TTC39B: variants seen among roughly 807,000 people sequenced by gnomAD.
The protein encoded by TTC39B is tetratricopeptide repeat domain 39B.
A neutral mutation model predicts 96.6 loss-of-function variants in TTC39B; 92 were observed. The observed-to-expected ratio is 0.95, with a 90% confidence interval of 0.80 to 1.13. The LOEUF (loss-of-function observed/expected upper bound fraction) is 1.13. TTC39B is among the 50% of genes most tolerant of loss of function. The pLI is 0.00. For missense variants in TTC39B, 955 were observed against 809.3 expected (o/e 1.18, Z -2.18); for synonymous variants, 367 against 299.4 (o/e 1.23, Z -2.33).
At chr9:15,218,282 A>G (rs1011583994) in intron 3 of TTC39B, among the ~76,000 whole-genome samples, 3 of 152,128 alleles carry the variant, frequency 2.0e-5, no homozygotes, top group Non-Finnish European at 4.4e-5. Context: ...TGGACTGGAA[A>G]TTAGAAGTCA....
At chr9:15,175,958 A>T (rs908552788) in intron 18 of TTC39B, among the ~76,000 whole-genome samples, 2 of 152,236 alleles carry the variant, frequency 1.3e-5, no homozygotes, top group African/African-American at 4.8e-5. Context: ...AGACAAAGAC[A>T]GTTGTCTCCT....
chr9:15,189,535 C>T (rs753211378), intron 13 of TTC39B, 39 bp downstream of exon 13: 3 of 1,607,634 alleles, frequency 1.9e-6, no homozygotes, highest in Non-Finnish European at 1.7e-6. Context: ...AGTCGCCATA[C>T]AGACAACTCC....
At chr9:15,211,346 C>A (rs1352958021) in exon 5 of TTC39B, 1 of 1,598,406 alleles carries the variant, frequency 6.3e-7, no homozygotes, top group Admixed American at 1.7e-5. Flanking sequence ...GGACAGCCTG[C>A]AACACCACAA....
chr9:15,263,533 G>A (rs1448064987), intron 2 of TTC39B, among the ~76,000 whole-genome samples: 1 of 152,282 alleles, frequency 6.6e-6, no homozygotes, highest in East Asian at 1.9e-4. Flanking sequence ...TTATGGCTGT[G>A]TGTAATATTT....
At chr9:15,256,853 C>T (rs1822770077) in intron 2 of TTC39B, among the ~76,000 whole-genome samples, 1 of 152,140 alleles carries the variant, frequency 6.6e-6, no homozygotes, top group Non-Finnish European at 1.5e-5. Context: ...GAGGCAGAAG[C>T]AGTATGTGGG....
intron 1 of TTC39B, among the ~76,000 whole-genome samples, chr9:15,298,368 T>C (rs7038333): frequency 0.12 from 18,807 of 152,140 alleles, 1,769 homozygotes; most frequent in African/African-American, 0.27. Context: ...TCCATTTTCA[T>C]ACTGCTGTGA....
chr9:15,181,430 C>G (rs1447121075), intron 17 of TTC39B, among the ~76,000 whole-genome samples: 1 of 152,122 alleles, frequency 6.6e-6, no homozygotes, highest in African/African-American at 2.4e-5. Flanking sequence ...CAAAAAATGT[C>G]AGGGCAAGGA....
At chr9:15,203,129 C>G (rs555046584) in intron 7 of TTC39B, among the ~76,000 whole-genome samples, 77 of 152,360 alleles carry the variant, frequency 5.1e-4, no homozygotes, top group African/African-American at 1.8e-3. Flanking sequence ...GACACTTCCT[C>G]TGCCCGGGCC....
At chr9:15,250,095 A>G (rs1308538152) in intron 2 of TTC39B, 2 of 1,270,692 alleles carry the variant, frequency 1.6e-6, no homozygotes, top group Admixed American at 5.0e-5. Flanking sequence ...TGAGACTCTC[A>G]ATTCTCAGGC....
intron 1 of TTC39B, among the ~76,000 whole-genome samples, chr9:15,279,385 C>T (rs1279553946): frequency 6.6e-6 from 1 of 152,150 alleles, no homozygotes; most frequent in African/African-American, 2.4e-5. Flanking sequence ...AAGAGTAAGG[C>T]TTCAAAGATG....
In TTC39B at chr9:15,202,077, G is replaced by T. The variant is rs78550822; in HGVS notation, c.759+1746C>A. ...GACGGAGCTGCACAATCTTTAAAAG[G>T]CTAAAGCAGCATGAATATAAAGGTG... On this transcript the variant is annotated intron_variant, in intron 7 of 19. Coordinates refer to ENST00000512701, the Ensembl canonical transcript of TTC39B. Among the ~76,000 whole-genome samples the T allele has an allele frequency of 4.8e-4, 73 of 152,282 alleles. 2 individuals are homozygous for T. The East Asian group carries it at 0.014, about 29-fold the overall frequency.
intron 1 of TTC39B, among the ~76,000 whole-genome samples, chr9:15,279,364 G>C (rs985549909): frequency 1.6e-4 from 24 of 152,356 alleles, no homozygotes; most frequent in African/African-American, 5.5e-4. Context: ...GTTCGGAAGA[G>C]GCAGTTCCCA....
At position 15,267,900 on chromosome 9, in the gene TTC39B, A is replaced by G. The variant is rs181178147; in HGVS notation, c.275+14T>C. The G allele has an allele frequency of 3.2e-3, 5,103 of 1,602,594 alleles. 19 individuals are homozygous for G. Among genetic ancestry groups the G allele is most frequent in the Non-Finnish European group, 3.8e-3 (4,495 of 1,174,566 alleles). On this transcript the variant is annotated intron_variant, in intron 2 of 19. Coordinates refer to ENST00000512701, the Ensembl canonical transcript of TTC39B. The stretch of plus-strand genomic sequence containing the variant: ...TTTTCCTTACTACATACTTTTTATT[A>G]TGTTATTACTTACATTGAGATGGTT...
chr9:15,216,038 C>T (rs16932828), intron 3 of TTC39B, among the ~76,000 whole-genome samples: 9,287 of 152,234 alleles, frequency 0.061, 320 homozygotes, highest in Non-Finnish European at 0.07. Context: ...AAGGCCAGAA[C>T]CCCTCTCTCC....
intron 1 of TTC39B, among the ~76,000 whole-genome samples, chr9:15,305,920 A>C (rs1824739057): frequency 1.3e-5 from 2 of 152,062 alleles, no homozygotes; most frequent in African/African-American, 4.8e-5. Flanking sequence ...CCTCAATGCA[A>C]GGGACAGGCT....
chr9:15,188,072 G>C (rs1401525672), exon 14 of TTC39B: 3 of 1,611,638 alleles, frequency 1.9e-6, no homozygotes, highest in Admixed American at 1.7e-5. Flanking sequence ...CAGTAGCAGA[G>C]ATGGTGAAAC....
chr9:15,171,215 A>G (rs1564302869), exon 20 of TTC39B: 2 of 151,458 alleles, frequency 1.3e-5, no homozygotes, highest in Non-Finnish European at 2.9e-5. Flanking sequence ...TTTACATATC[A>G]TTTAAAGCAG....
At chr9:15,258,124 A>C (rs534208962) in intron 2 of TTC39B, among the ~76,000 whole-genome samples, 6 of 152,284 alleles carry the variant, frequency 3.9e-5, no homozygotes, top group African/African-American at 1.2e-4. Flanking sequence ...CAGTTGGAAA[A>C]GTAGAGGGAG....
intron 1 of TTC39B, among the ~76,000 whole-genome samples, chr9:15,304,084 T>C (rs1824682646): frequency 6.6e-6 from 1 of 152,216 alleles, no homozygotes; most frequent in Non-Finnish European, 1.5e-5. Flanking sequence ...TTCATTCAAT[T>C]CTCAAATCCT....
Sources: allele counts gnomAD v4.1 joint callset (sites outside exome capture counted in the v4.1 genomes callset), GRCh38; gene constraint gnomAD v4.1.1; transcripts MANE v1.5; gene names NCBI Gene and HGNC (gene_info 2026-07-23, HGNC 2026-07-21).